The following TMEM108 variants were observed in gnomAD, a reference collection of about 807,000 sequenced individuals.
TMEM108 encodes transmembrane protein 108.
A neutral mutation model predicts 35.1 loss-of-function variants in TMEM108; 12 were observed. The observed-to-expected ratio is 0.34, with a 90% confidence interval of 0.22 to 0.55. The LOEUF (loss-of-function observed/expected upper bound fraction) is 0.55. Ranked by LOEUF, TMEM108 falls within the 20% of genes least tolerant of loss-of-function variation. The pLI is 0.89. For missense variants in TMEM108, 680 were observed against 753.3 expected (o/e 0.90, Z 1.14); for synonymous variants, 287 against 308.6 (o/e 0.93, Z 0.73).
chr3:133,179,091 C>G, intron 2 of TMEM108, among the ~76,000 whole-genome samples: 1 of 151,984 alleles, frequency 6.6e-6, no homozygotes, highest in East Asian at 1.9e-4. Flanking sequence ...AAATGCAAAT[C>G]AAAACCACAA....
rs1288595219 is a variant in TMEM108, at chr3:133,386,461, G to A, written c.1451-3719G>A. Reference sequence around the variant, plus strand: ...CCTGAAAGCATGCCCTTCCACAAATGTGAATACAGTACTCAGGGCTCCATC... The same window carrying A: ...CCTGAAAGCATGCCCTTCCACAAATATGAATACAGTACTCAGGGCTCCATC... On this transcript the variant is annotated intron_variant, in intron 4 of 5. Transcript: ENST00000321871. The A allele has an allele frequency of 6.5e-6, 10 of 1,535,968 alleles. No individual in the cohort carries two copies. The East Asian group carries it at 2.0e-4, about 30-fold the overall frequency.
chr3:133,353,479 C>T (rs2887746), intron 3 of TMEM108, among the ~76,000 whole-genome samples: 1 of 152,194 alleles, frequency 6.6e-6, no homozygotes, highest in East Asian at 1.9e-4. Flanking sequence ...TTACCATAAA[C>T]GTCTTATCCA....
At chr3:133,220,721 G>A (rs562008396) in intron 2 of TMEM108, among the ~76,000 whole-genome samples, 3 of 152,240 alleles carry the variant, frequency 2.0e-5, no homozygotes, top group East Asian at 1.9e-4. Context: ...AATTCTGACA[G>A]TAGCTACCTG....
chr3:133,262,798 T>C (rs1191478188), intron 3 of TMEM108, among the ~76,000 whole-genome samples: 1 of 152,234 alleles, frequency 6.6e-6, no homozygotes, highest in Non-Finnish European at 1.5e-5. Context: ...GTCTAGTAAT[T>C]GCACCCCTTT....
At chr3:133,377,712 A>C (rs1428529698) in intron 3 of TMEM108, among the ~76,000 whole-genome samples, 2 of 152,236 alleles carry the variant, frequency 1.3e-5, no homozygotes, top group Non-Finnish European at 2.9e-5. Context: ...AGGGGTCCCC[A>C]ACCACTGGGT....
chr3:133,177,035 C>T (rs1370652649), intron 2 of TMEM108, among the ~76,000 whole-genome samples: 1 of 152,082 alleles, frequency 6.6e-6, no homozygotes, highest in Non-Finnish European at 1.5e-5. Context: ...ATACTATAAA[C>T]ACCTCTACAC....
At chr3:133,241,447 C>T (rs1277099161) in intron 3 of TMEM108, among the ~76,000 whole-genome samples, 2 of 152,200 alleles carry the variant, frequency 1.3e-5, no homozygotes, top group Non-Finnish European at 2.9e-5. Context: ...CTGCTGCAAG[C>T]ATCCTAGCAG....
At chr3:133,060,388 T>C (rs544498734) in intron 2 of TMEM108, among the ~76,000 whole-genome samples, 1 of 152,350 alleles carries the variant, frequency 6.6e-6, no homozygotes, top group South Asian at 2.1e-4. Context: ...ATTTCTCCCC[T>C]GCCCTGGGCT....
At chr3:133,134,566 C>T (rs1178016824) in intron 2 of TMEM108, among the ~76,000 whole-genome samples, 2 of 152,004 alleles carry the variant, frequency 1.3e-5, no homozygotes, top group Non-Finnish European at 2.9e-5. Flanking sequence ...TTCTTTCCCC[C>T]TCTCTTCTTG....
chr3:133,156,920 G>A (rs190523322), intron 2 of TMEM108, among the ~76,000 whole-genome samples: 2 of 152,206 alleles, frequency 1.3e-5, no homozygotes, highest in African/African-American at 2.4e-5. Flanking sequence ...ATTCACCGGG[G>A]GTCCCTTGAG....
chr3:133,352,248 A>G (rs1327129889), intron 3 of TMEM108, among the ~76,000 whole-genome samples: 1 of 152,142 alleles, frequency 6.6e-6, no homozygotes, highest in East Asian at 1.9e-4. Context: ...AGAGTTAGAA[A>G]ACGCAGGTTC....
intron 2 of TMEM108, among the ~76,000 whole-genome samples, chr3:133,130,890 A>G (rs574794607): frequency 6.6e-6 from 1 of 152,344 alleles, no homozygotes; most frequent in South Asian, 2.1e-4. Context: ...AACTGACATA[A>G]CTTATACTTT....
At chr3:133,286,013 G>A (rs1285295486) in intron 3 of TMEM108, among the ~76,000 whole-genome samples, 2 of 152,210 alleles carry the variant, frequency 1.3e-5, no homozygotes, top group Non-Finnish European at 2.9e-5. Flanking sequence ...TCCAGTTATA[G>A]CACACACATG....
intron 2 of TMEM108, among the ~76,000 whole-genome samples, chr3:133,218,346 A>G (rs1945939082): frequency 1.3e-5 from 2 of 151,990 alleles, no homozygotes; most frequent in African/African-American, 4.8e-5. Flanking sequence ...TGTCATCTGC[A>G]GACAGAGACA....
chr3:133,118,115 G>C lies in TMEM108; in HGVS notation c.-47+72095G>C, dbSNP rs560590819. Among the ~76,000 whole-genome samples the C allele has an allele frequency of 1.4e-4, 22 of 152,062 alleles. No homozygotes were observed. In the South Asian group the frequency reaches 4.6e-3, roughly 32 times the overall value. On this transcript the variant is annotated intron_variant, in intron 2 of 5. Transcript: ENST00000321871. ...GGAGTTGGTAGAGTACTACCTCTAG[G>C]TTCTCTGATTTCTAGGAGTTGGTAA... is the stretch of plus-strand genomic sequence containing the variant.
chr3:133,085,737 T>G (rs1943873491), intron 2 of TMEM108, among the ~76,000 whole-genome samples: 1 of 151,946 alleles, frequency 6.6e-6, no homozygotes, highest in African/African-American at 2.4e-5. Flanking sequence ...CTTGCTAGAC[T>G]TCTTCTTTTT....
chr3:133,164,526 A>G (rs192009241), intron 2 of TMEM108, among the ~76,000 whole-genome samples: 210 of 152,312 alleles, frequency 1.4e-3, no homozygotes, highest in Non-Finnish European at 2.3e-3. Flanking sequence ...TTGTAGTGAG[A>G]ATCTTAGGTT....
chr3:133,157,193 T>A (rs1302618346), intron 2 of TMEM108, among the ~76,000 whole-genome samples: 4 of 152,192 alleles, frequency 2.6e-5, no homozygotes, highest in Non-Finnish European at 5.9e-5. Context: ...TAACTTCAGT[T>A]TTCCAAAAAA....
At chr3:133,375,786 G>A (rs533454109) in intron 3 of TMEM108, among the ~76,000 whole-genome samples, 1 of 152,144 alleles carries the variant, frequency 6.6e-6, no homozygotes, top group Non-Finnish European at 1.5e-5. Flanking sequence ...TGAAATAATG[G>A]CTGTGGTCCA....
Sources: allele counts gnomAD v4.1 joint callset (sites outside exome capture counted in the v4.1 genomes callset), GRCh38; gene constraint gnomAD v4.1.1; transcripts MANE v1.5; gene names NCBI Gene and HGNC (gene_info 2026-07-23, HGNC 2026-07-21).